ANKRD44: variants seen among roughly 807,000 people sequenced by gnomAD.
ANKRD44 encodes the protein ankyrin repeat domain 44.
A neutral mutation model predicts 116.0 loss-of-function variants in ANKRD44; 35 were observed. The observed-to-expected ratio is 0.30, with a 90% CI of 0.23 to 0.40. The LOEUF (loss-of-function observed/expected upper bound fraction) is 0.40, where lower values mean the gene tolerates loss of function less well. Ranked by LOEUF, ANKRD44 falls within the 10% of genes least tolerant of loss-of-function variation. ANKRD44 has a pLI of 1.00. For missense variants in ANKRD44, 1,014 were observed against 1,242.6 expected, an observed-to-expected ratio of 0.82 and a Z score of 2.77; for synonymous variants, 435 against 461.8, an observed-to-expected ratio of 0.94 and a Z score of 0.74.
chr2:197,298,747 T>C (rs1342414898), intron 1 of ANKRD44, among the ~76,000 whole-genome samples: 1 of 151,956 alleles, frequency 6.6e-6, no homozygotes, highest in Non-Finnish European at 1.5e-5. Flanking sequence ...GTGAAACTCA[T>C]CTCTACTAAA....
At chr2:197,147,483 A>G (rs923746011) in intron 2 of ANKRD44, among the ~76,000 whole-genome samples, 7 of 151,986 alleles carry the variant, frequency 4.6e-5, no homozygotes, top group Non-Finnish European at 8.8e-5. Context: ...AAAGCTTTCA[A>G]TGACTTATTT....
chr2:196,987,600 G>C lies in ANKRD44; in HGVS notation c.*1991C>G. On this transcript the variant is annotated 3_prime_UTR_variant, in exon 28 of 28. Transcript: ENST00000282272. ...AACCAAGCAGTGTTTACTGCCTAAA[G>C]TACCAAAACATACTATGGTGCCCTT... 3 of 985,244 alleles carry C rather than the reference G, an allele frequency of 3.0e-6. No individual in the cohort carries two copies. The highest frequency in any genetic ancestry group is 3.6e-6 in the Non-Finnish European group (3 of 829,816). The allele number at this position is 985,244 out of a possible 1,614,324, so 61.0% of individuals were successfully genotyped here.
At chr2:197,004,982 T>C (rs1043568269) in intron 21 of ANKRD44, among the ~76,000 whole-genome samples, 4 of 152,242 alleles carry the variant, frequency 2.6e-5, no homozygotes, top group African/African-American at 7.2e-5. Context: ...CAATACAATT[T>C]AAACACCAAC....
At chr2:197,266,139 G>C (rs2082735302) in intron 1 of ANKRD44, among the ~76,000 whole-genome samples, 1 of 152,082 alleles carries the variant, frequency 6.6e-6, no homozygotes, top group Admixed American at 6.5e-5. Context: ...TTGGAGGAGA[G>C]GTAGCCGCCT....
chr2:197,121,683 C>T (rs1199688846), intron 7 of ANKRD44, 139 bp from the exon 8 acceptor site: 3 of 757,420 alleles, frequency 4.0e-6, no homozygotes, highest in Admixed American at 2.5e-5. Context: ...ACTCTTGCCC[C>T]AGTGTGGTCA....
At position 197,197,809 on chromosome 2, in the gene ANKRD44, C is replaced by CA. The variant is rs199994103; in HGVS notation, c.28-10704dup. On this transcript the variant is annotated intron_variant, in intron 1 of 27. Coordinates refer to ENST00000282272, the MANE Select transcript of ANKRD44 (RefSeq NM_001195144.2). ...TGGGTGACAGAGTGAAATCCTGTCTCAAAAAAAAAAAAAAAAAAAAAGAAA... is the reference window on the plus strand; with the variant it reads ...TGGGTGACAGAGTGAAATCCTGTCTCAAAAAAAAAAAAAAAAAAAAAAGAAA... 1.7e-3 allele frequency among the ~76,000 whole-genome samples: 196 copies of CA among 114,160 alleles called. 2 individuals are homozygous for CA. The highest frequency in any genetic ancestry group is 1.9e-3 in the Non-Finnish European group (115 of 60,050). The allele number at this position is 114,160 out of a possible 152,430, so 74.9% of individuals were successfully genotyped here. A position where few individuals can be genotyped will look rare whatever the true frequency, so the allele number is the denominator to read the frequency against.
In ANKRD44 at chr2:197,099,899, G is replaced by A. The variant is rs748429153; in HGVS notation, c.1017C>T (p.Gly339=). The stretch of plus-strand genomic sequence containing the variant: ...TTGCAGCCACATGGAGAGGAGTGTT[G>A]CCGTCCTTATCCACACAGTCAATTT... ...GGEIDCVDKD[G]NTPLHVAARY... is the part of the protein sequence containing the mutation. The change falls in exon 10 of 28, where the codon GGC becomes GGT. Residue 339 remains glycine (G), a synonymous_variant. Transcript: ENST00000282272. The A allele has an allele frequency of 3.7e-6, 6 of 1,614,016 alleles. No individual in the cohort carries two copies. The South Asian group carries it at 5.5e-5, about 15-fold the overall frequency.
chr2:197,158,050 G>A (rs1208980891), intron 2 of ANKRD44, among the ~76,000 whole-genome samples: 1 of 152,174 alleles, frequency 6.6e-6, no homozygotes, highest in East Asian at 1.9e-4. Flanking sequence ...CATGGGAAAG[G>A]GTTCTGGTCC....
chr2:197,090,489 T>C (rs1359990438), intron 10 of ANKRD44, among the ~76,000 whole-genome samples: 1 of 147,432 alleles, frequency 6.8e-6, no homozygotes, highest in Non-Finnish European at 1.5e-5. Flanking sequence ...TTTTTTTTCT[T>C]TTCACTTTTT....
intron 16 of ANKRD44, among the ~76,000 whole-genome samples, chr2:197,066,673 C>T (rs919860470): frequency 1.3e-5 from 2 of 152,114 alleles, no homozygotes; most frequent in Non-Finnish European, 2.9e-5. Flanking sequence ...CAAATCATGA[C>T]TGAACTCCCA....
intron 9 of ANKRD44, among the ~76,000 whole-genome samples, chr2:197,102,606 T>C (rs369776416): frequency 1.1e-4 from 16 of 152,220 alleles, no homozygotes; most frequent in South Asian, 2.1e-4. Flanking sequence ...TCTTTTTCTG[T>C]AAACTATTTT....
At chr2:197,046,013 A>G (rs903964229) in intron 16 of ANKRD44, among the ~76,000 whole-genome samples, 1 of 152,254 alleles carries the variant, frequency 6.6e-6, no homozygotes, top group Non-Finnish European at 1.5e-5. Context: ...TCCTAGAAAC[A>G]TACGTAAATC....
chr2:197,235,229 G>A (rs1400881825), intron 1 of ANKRD44, among the ~76,000 whole-genome samples: 1 of 152,228 alleles, frequency 6.6e-6, no homozygotes, highest in African/African-American at 2.4e-5. Flanking sequence ...GATATTGCTA[G>A]AGTCTTCTAA....
chr2:197,040,879 A>G (rs977870352), intron 16 of ANKRD44, among the ~76,000 whole-genome samples: 3 of 152,212 alleles, frequency 2.0e-5, no homozygotes, highest in Non-Finnish European at 2.9e-5. Flanking sequence ...AAGCTTTAGC[A>G]TCTTACTGGT....
chr2:197,063,666 C>A (rs1263769505), intron 16 of ANKRD44, among the ~76,000 whole-genome samples: 1 of 152,198 alleles, frequency 6.6e-6, no homozygotes, highest in African/African-American at 2.4e-5. Flanking sequence ...GCACAAGCTT[C>A]AGTAGCCGAT....
At chr2:197,237,472 T>C (rs780884010) in intron 1 of ANKRD44, among the ~76,000 whole-genome samples, 14 of 152,356 alleles carry the variant, frequency 9.2e-5, no homozygotes, top group East Asian at 3.9e-4. Context: ...TTCTGTGGGA[T>C]TGGACTCTGC....
intron 6 of ANKRD44, among the ~76,000 whole-genome samples, 180 bp from the exon 7 acceptor site, chr2:197,122,972 G>A (rs73988101): frequency 0.01 from 1,543 of 152,284 alleles, 31 homozygotes; most frequent in African/African-American, 0.034. Flanking sequence ...CTATAGTCAG[G>A]CATAATGTAA....
intron 16 of ANKRD44, among the ~76,000 whole-genome samples, chr2:197,032,817 G>A (rs913552119): frequency 2.0e-5 from 3 of 152,178 alleles, no homozygotes; most frequent in Admixed American, 1.3e-4. Context: ...TTTAGAAGGT[G>A]GAATGAACAC....
intron 1 of ANKRD44, among the ~76,000 whole-genome samples, chr2:197,255,600 C>T (rs1332080054): frequency 6.6e-6 from 1 of 152,222 alleles, no homozygotes; most frequent in African/African-American, 2.4e-5. Context: ...AAGTTATGGC[C>T]CCAAAACAAA....
Sources: allele counts gnomAD v4.1 joint callset (sites outside exome capture counted in the v4.1 genomes callset), GRCh38; gene constraint gnomAD v4.1.1; transcripts MANE v1.5; gene names NCBI Gene and HGNC (gene_info 2026-07-23, HGNC 2026-07-21).